Variants in POF1B observed in about 807,000 individuals in gnomAD.
POF1B encodes the protein POF1B actin binding protein.
Under a neutral mutation model 55.3 loss-of-function variants are expected in POF1B, and 53 were observed. That is an observed-to-expected ratio of 0.96 (90% CI 0.77 to 1.20). The LOEUF is 1.20. Ranked by LOEUF, POF1B falls within the 50% of genes most tolerant of loss-of-function variation. The pLI is 0.00. For synonymous variants in POF1B, 188 were observed against 148.3 expected (o/e 1.27, Z -1.95); for missense variants, 478 against 420.5 (o/e 1.14, Z -1.20).
chrX:85,283,892 A>G (rs1931970028), intron 15 of POF1B, among the ~76,000 whole-genome samples: 1 of 111,443 alleles, frequency 9.0e-6, no homozygotes, highest in South Asian at 3.7e-4. Flanking sequence ...GAAGAGCAAT[A>G]TTGTTAAAGT....
At chrX:85,350,968 C>T (rs1394132513) in intron 5 of POF1B, among the ~76,000 whole-genome samples, 1 of 111,553 alleles carries the variant, frequency 9.0e-6, no homozygotes, top group Non-Finnish European at 1.9e-5. Flanking sequence ...ATGTATTGTA[C>T]ATTTAAAATT....
intron 2 of POF1B, among the ~76,000 whole-genome samples, chrX:85,370,287 T>G (rs1933795919): frequency 8.9e-6 from 1 of 111,926 alleles, no homozygotes; most frequent in African/African-American, 3.2e-5. Context: ...TCTTTAATCT[T>G]CTTATATGTG....
intron 16 of POF1B, among the ~76,000 whole-genome samples, chrX:85,280,491 C>T (rs1931872311): frequency 1.8e-5 from 2 of 110,932 alleles, no homozygotes. Context: ...TAACCATCTC[C>T]CAGATAAAGA....
intron 3 of POF1B, among the ~76,000 whole-genome samples, chrX:85,363,548 G>A (rs918820569): frequency 9.0e-6 from 1 of 111,557 alleles, no homozygotes; most frequent in African/African-American, 3.3e-5. Context: ...CCATGTAATT[G>A]CATGGTTTTC....
At position 85,347,028 on chromosome X, in the gene POF1B, C is replaced by A. The variant is rs751030799; in HGVS notation, c.541-986G>T. 2.7e-5 allele frequency among the ~76,000 whole-genome samples: 3 copies of A among 110,772 alleles called. No individual in the cohort carries two copies. The Admixed American group carries it at 2.9e-4, about 11-fold the overall frequency. On this transcript the variant is annotated intron_variant, in intron 5 of 16. Transcript: ENST00000262753. ...GGAATTTGTTGTTTTTAAACTAAAT[C>A]TTTGTTATTTGCTTATTTGTCATGG... is the stretch of plus-strand genomic sequence containing the variant.
intron 4 of POF1B, among the ~76,000 whole-genome samples, chrX:85,359,295 A>G (rs73627357): frequency 0.057 from 6,344 of 111,007 alleles, 475 homozygotes; most frequent in African/African-American, 0.2. Flanking sequence ...GGGTGGGGCT[A>G]TAGAAGAGGA....
intron 7 of POF1B, among the ~76,000 whole-genome samples, chrX:85,318,379 G>A (rs1394356859): frequency 9.0e-6 from 1 of 111,319 alleles, no homozygotes; most frequent in Non-Finnish European, 1.9e-5. Flanking sequence ...GTTCAATTAG[G>A]TCCCATTTGT....
In POF1B at chrX:85,282,286, G is replaced by A; in HGVS notation, c.1681C>T (p.Leu561=). The A allele has an allele frequency of 3.4e-6, 4 of 1,184,275 alleles. No individual in the cohort carries two copies. The highest frequency in any genetic ancestry group is 4.6e-6 in the Non-Finnish European group (4 of 879,046). Residue 561 remains leucine, a synonymous_variant, in exon 16 of 17, where the codon CTA becomes TTA. Transcript: ENST00000262753. ...YRTQYPILGL[L]YDDYEYIPPG... is the part of the protein sequence containing the mutation. ...GGTATATATTCGTAGTCATCATATA[G>A]GAGGCCTAGGATTGGATATTGTGTC...
intron 2 of POF1B, among the ~76,000 whole-genome samples, chrX:85,372,764 T>TATAAA (rs1245794251): frequency 4.9e-5 from 5 of 102,497 alleles, no homozygotes; most frequent in Non-Finnish European, 7.8e-5. Context: ...ATATATTATA[T>TATAAA]TATATATACT....
chrX:85,371,006 A>G (rs1056258475), intron 2 of POF1B, among the ~76,000 whole-genome samples: 2 of 111,773 alleles, frequency 1.8e-5, no homozygotes, highest in African/African-American at 6.5e-5. Context: ...CACATTCCTG[A>G]TGACCAAATA....
chrX:85,289,816 G>A (rs1932140853), intron 15 of POF1B, among the ~76,000 whole-genome samples: 2 of 111,135 alleles, frequency 1.8e-5, no homozygotes, highest in African/African-American at 6.5e-5. Flanking sequence ...GTGGGAACAG[G>A]GATCGGTATC....
At chrX:85,303,627 G>T in intron 14 of POF1B, 139 bp from the exon 15 acceptor site, 1 of 425,221 alleles carries the variant, frequency 2.4e-6, no homozygotes, top group Non-Finnish European at 4.0e-6. Context: ...ACGTAATAAT[G>T]TTCTAATCCC....
chrX:85,360,660 G>A (rs559166081), intron 3 of POF1B, among the ~76,000 whole-genome samples: 1 of 105,443 alleles, frequency 9.5e-6, no homozygotes, highest in African/African-American at 3.5e-5. Flanking sequence ...TCATGTACAT[G>A]TGTCTTTATG....
At chrX:85,294,628 T>C (rs1932268433) in intron 15 of POF1B, among the ~76,000 whole-genome samples, 1 of 112,016 alleles carries the variant, frequency 8.9e-6, no homozygotes, top group Non-Finnish European at 1.9e-5. Context: ...AAGTATTTTG[T>C]TGATGATTTT....
chrX:85,345,759 A>G (rs1040425961), intron 6 of POF1B, 101 bp downstream of exon 6: 4 of 762,998 alleles, frequency 5.2e-6, no homozygotes, highest in African/African-American at 2.2e-5. Context: ...ATAACTTCTC[A>G]GTATTTTGAT....
intron 7 of POF1B, among the ~76,000 whole-genome samples, chrX:85,320,640 A>G (rs1442737926): frequency 9.0e-6 from 1 of 111,729 alleles, no homozygotes; most frequent in Non-Finnish European, 1.9e-5. Flanking sequence ...TCAAAAATTA[A>G]TGAATCCAGG....
At chrX:85,334,339 C>G (rs1484755116) in intron 6 of POF1B, among the ~76,000 whole-genome samples, 3 of 111,038 alleles carry the variant, frequency 2.7e-5, no homozygotes, top group African/African-American at 9.8e-5. Context: ...TGAGAGCTAT[C>G]TCAAATGTTA....
rs374509714 is a variant in POF1B at position 85,376,933 on chromosome X, A to AAAAAC, written c.282+2235_282+2239dup. The stretch of plus-strand genomic sequence containing the variant: ...AATGTCTTCCAAAAACCAAAAGGCA[A>AAAAAC]AAAACAAAACAAAACAAAACAAAAA... On this transcript the variant is annotated intron_variant, in intron 2 of 16. Transcript: ENST00000262753. Among the ~76,000 whole-genome samples, 998 of 111,575 alleles carry AAAAAC rather than the reference A, an allele frequency of 8.9e-3. 16 individuals are homozygous for AAAAAC. Among genetic ancestry groups the AAAAAC allele is most frequent in the African/African-American group, 0.031 (951 of 30,762 alleles).
chrX:85,305,591 G>T (rs924259114), intron 13 of POF1B, among the ~76,000 whole-genome samples, 200 bp downstream of exon 13: 1 of 111,692 alleles, frequency 9.0e-6, no homozygotes, highest in African/African-American at 3.2e-5. Context: ...TTTCCTAGAA[G>T]AAATTAAGCT....
Sources: allele counts gnomAD v4.1 joint callset (sites outside exome capture counted in the v4.1 genomes callset), GRCh38; gene constraint gnomAD v4.1.1; transcripts MANE v1.5; gene names NCBI Gene and HGNC (gene_info 2026-07-23, HGNC 2026-07-21).